The following PIGN variants were observed in gnomAD, a reference collection of about 807,000 sequenced individuals.
PIGN encodes the protein phosphatidylinositol glycan anchor biosynthesis class N, also known as GPI ethanolamine phosphate transferase 1.
A neutral mutation model predicts 125.4 loss-of-function variants in PIGN; 117 were observed. The observed-to-expected ratio is 0.93, with a 90% CI of 0.80 to 1.09. PIGN has a LOEUF of 1.09. PIGN is among the 50% of genes least tolerant of loss of function. The pLI, the probability that PIGN is intolerant of heterozygous loss-of-function variation, is 0.00. For synonymous variants in PIGN, 392 were observed against 377.8 expected (o/e 1.04, Z -0.44); for missense variants, 1,075 against 1,094.9 (o/e 0.98, Z 0.26).
At chr18:62,082,841 T>A in intron 27 of PIGN, 95 bp from the exon 28 acceptor site, 1 of 704,718 alleles carries the variant, frequency 1.4e-6, no homozygotes, top group Admixed American at 2.5e-5. Context: ...ATATTTTCAA[T>A]TTCTCAAGTA....
In PIGN at chr18:62,113,134, C is replaced by T. The variant is rs1336408586; in HGVS notation, c.1434G>A (p.Lys478=). ...GAATCCTCACATTTTCTAAACGTAC[C>T]TTCACTTCTTTACTAACACCTTTTA... ...NLIKGVSKEV[K]KPSHLLPCSF... is the part of the protein sequence containing the mutation. Residue 478 remains lysine (K), a splice_region_variant and synonymous_variant, in exon 16 of 31, where the codon AAG becomes AAA. Transcript: ENST00000640252. 5.6e-6 allele frequency: 9 copies of T among 1,600,956 alleles called. No homozygotes were observed. The highest frequency in any genetic ancestry group is 3.4e-5 in the South Asian group (3 of 89,412).
intron 23 of PIGN, among the ~76,000 whole-genome samples, chr18:62,024,004 A>G (rs1270702831): frequency 6.6e-6 from 1 of 152,224 alleles, no homozygotes; most frequent in African/African-American, 2.4e-5. Flanking sequence ...AAATTCATGC[A>G]TATCAGAACT....
At chr18:62,060,166 A>C (rs1041196266) in intron 30 of PIGN, among the ~76,000 whole-genome samples, 1 of 152,224 alleles carries the variant, frequency 6.6e-6, no homozygotes, top group African/African-American at 2.4e-5. Context: ...TCTTGCATCA[A>C]TCAAGTCTTG....
intron 23 of PIGN, among the ~76,000 whole-genome samples, chr18:62,032,122 C>G (rs1440827284): frequency 6.6e-6 from 1 of 152,126 alleles, no homozygotes; most frequent in East Asian, 1.9e-4. Flanking sequence ...CTGGATAATC[C>G]AGGATGAGCT....
At chr18:62,178,345 C>T (rs2037599385) in intron 1 of PIGN, among the ~76,000 whole-genome samples, 1 of 151,824 alleles carries the variant, frequency 6.6e-6, no homozygotes, top group South Asian at 2.1e-4. Flanking sequence ...ACTCTGCCCC[C>T]TTATGCTTGT....
At chr18:62,072,828 A>G (rs182079038) in intron 29 of PIGN, 103 bp from the exon 30 acceptor site, 2 of 772,312 alleles carry the variant, frequency 2.6e-6, no homozygotes, top group African/African-American at 3.5e-5. Context: ...TGACTCTAAG[A>G]ATCACTATCT....
intron 17 of PIGN, among the ~76,000 whole-genome samples, chr18:62,109,567 T>A (rs1035010091): frequency 2.0e-5 from 3 of 152,174 alleles, no homozygotes; most frequent in Non-Finnish European, 2.9e-5. Context: ...TATTCCATTT[T>A]TTTTCTATAA....
At chr18:62,150,697 T>TGTTTG (rs33998141) in intron 7 of PIGN, among the ~76,000 whole-genome samples, 6 of 151,392 alleles carry the variant, frequency 4.0e-5, no homozygotes, top group South Asian at 2.1e-4. Context: ...GAGTTATTTT[T>TGTTTG]TTTGTTTGTT....
At position 62,149,392 on chromosome 18, in the gene PIGN, G is replaced by T. The variant is rs564412159; in HGVS notation, c.550-1054C>A. ...GATAAAAACAATAAGCTCTTTAAGA[G>T]AAAAGAATTAAAAGTTAAACACATA... is the stretch of plus-strand genomic sequence containing the variant. On this transcript the variant is annotated intron_variant, in intron 7 of 30. Transcript: ENST00000640252. Among the ~76,000 whole-genome samples, 37 of 152,052 alleles carry T rather than the reference G, an allele frequency of 2.4e-4. 1 individual carries two copies. In the South Asian group the frequency reaches 7.5e-3, roughly 31 times the overall value.
intron 4 of PIGN, among the ~76,000 whole-genome samples, chr18:62,159,570 C>T (rs1284887712): frequency 6.6e-6 from 1 of 152,140 alleles, no homozygotes; most frequent in Non-Finnish European, 1.5e-5. Flanking sequence ...TTGGTTTGAT[C>T]TTATTTTCCC....
At chr18:62,082,343 T>G (rs1192155303) in intron 28 of PIGN, among the ~76,000 whole-genome samples, 1 of 152,128 alleles carries the variant, frequency 6.6e-6, no homozygotes, top group Admixed American at 6.5e-5. Context: ...TATCTTTTGC[T>G]TTTTGTAGGC....
chr18:62,179,637 T>C (rs546385269), intron 1 of PIGN, among the ~76,000 whole-genome samples: 1 of 152,214 alleles, frequency 6.6e-6, no homozygotes, highest in African/African-American at 2.4e-5. Context: ...TCCCAGCTAC[T>C]TGTGGGGCTG....
chr18:62,144,818 ACTGAGTCAGG>A (rs1484929688), intron 10 of PIGN, among the ~76,000 whole-genome samples: 1 of 152,200 alleles, frequency 6.6e-6, no homozygotes, highest in Non-Finnish European at 1.5e-5. Context: ...AATGTGGCAG[ACTGAGTCAGG>A]CATGGTACAC....
intron 14 of PIGN, among the ~76,000 whole-genome samples, chr18:62,124,333 C>T (rs2035420170): frequency 6.6e-6 from 1 of 152,082 alleles, no homozygotes; most frequent in East Asian, 1.9e-4. Context: ...ACCAAAAGAT[C>T]TGATGGTATT....
intron 28 of PIGN, among the ~76,000 whole-genome samples, chr18:62,077,962 T>A (rs1224702590): frequency 6.6e-6 from 1 of 152,202 alleles, no homozygotes; most frequent in Non-Finnish European, 1.5e-5. Context: ...CTCTTCTGTG[T>A]TTGACTGTGT....
At position 62,157,375 on chromosome 18, in the gene PIGN, T is replaced by A; in HGVS notation, c.344-148A>T. 4 of 525,522 alleles carry A rather than the reference T, an allele frequency of 7.6e-6. No homozygotes were observed. The South Asian group carries it at 9.9e-5, about 13-fold the overall frequency. The allele number at this position is 525,522 out of a possible 1,614,324, so 32.6% of individuals were successfully genotyped here. A position where few individuals can be genotyped will look rare whatever the true frequency, so the allele number is the denominator to read the frequency against. On this transcript the variant is annotated intron_variant, in intron 5 of 30. Coordinates refer to ENST00000640252, the MANE Select transcript of PIGN (RefSeq NM_176787.5). The stretch of plus-strand genomic sequence containing the variant: ...ATATTATGCATATTATACCACTATT[T>A]AAAAAAAAACTAACAATAGATAATT...
chr18:62,099,042 C>A (rs537226369), intron 22 of PIGN, among the ~76,000 whole-genome samples: 2 of 152,128 alleles, frequency 1.3e-5, no homozygotes, highest in South Asian at 4.2e-4. Context: ...GTAGAGCACA[C>A]CTACACATTA....
intron 30 of PIGN, chr18:62,070,152 CG>C (rs1239776683): frequency 5.6e-5 from 20 of 359,322 alleles, no homozygotes; most frequent in Admixed American, 9.3e-5. Context: ...ACAAGAGAAA[CG>C]GGGGGCTTAG....
chr18:62,056,526 C>G (rs1009217269), intron 30 of PIGN, among the ~76,000 whole-genome samples: 1 of 150,468 alleles, frequency 6.6e-6, no homozygotes, highest in Non-Finnish European at 1.5e-5. Context: ...TTTTTTAAAC[C>G]GAGAAAATAC....
Sources: gnomAD v4.1 joint callset for allele counts (sites outside exome capture counted in the v4.1 genomes callset) on GRCh38, gnomAD v4.1.1 for gene constraint, MANE v1.5 for transcripts, NCBI Gene and HGNC (gene_info 2026-07-23, HGNC 2026-07-21) for gene names.